BRINP3: variants seen among roughly 807,000 people sequenced by gnomAD.
The protein encoded by BRINP3 is BMP/retinoic acid-inducible neural-specific protein 3.
In BRINP3, 19 loss-of-function variants were observed where a neutral mutation model predicts 71.0. That is an observed-to-expected ratio of 0.27 (90% CI 0.19 to 0.39). The LOEUF (loss-of-function observed/expected upper bound fraction) is 0.39. Ranked by LOEUF, BRINP3 falls within the 10% of genes least tolerant of loss-of-function variation. BRINP3 has a pLI of 1.00. For missense variants in BRINP3, 959 were observed against 940.8 expected (o/e 1.02, Z -0.25); for synonymous variants, 380 against 337.7 (o/e 1.13, Z -1.37).
intron 6 of BRINP3, among the ~76,000 whole-genome samples, chr1:190,200,863 T>C (rs1337559017): frequency 6.6e-6 from 1 of 152,142 alleles, no homozygotes; most frequent in African/African-American, 2.4e-5. Context: ...TTGTGAGGCC[T>C]CCCAACCCAG....
chr1:190,432,986 G>T (rs1674200577), intron 2 of BRINP3, among the ~76,000 whole-genome samples: 1 of 152,082 alleles, frequency 6.6e-6, no homozygotes, highest in African/African-American at 2.4e-5. Flanking sequence ...CAATTATAGT[G>T]TTAAATTTAT....
chr1:190,450,433 A>G (rs548829421), intron 2 of BRINP3, among the ~76,000 whole-genome samples: 3 of 152,168 alleles, frequency 2.0e-5, no homozygotes, highest in African/African-American at 7.2e-5. Flanking sequence ...ATGAGTTTTC[A>G]TTTTCCCTCC....
chr1:190,420,601 T>C (rs913695042), intron 2 of BRINP3, among the ~76,000 whole-genome samples: 6 of 151,980 alleles, frequency 3.9e-5, no homozygotes, highest in African/African-American at 1.4e-4. Flanking sequence ...ATAACTTTAG[T>C]AAAGTGTTAA....
intron 7 of BRINP3, among the ~76,000 whole-genome samples, chr1:190,152,550 A>G (rs1397079169): frequency 5.1e-5 from 1 of 19,504 alleles, no homozygotes; most frequent in Non-Finnish European, 1.1e-4. Context: ...CCGCCCCCCA[A>G]AAAAGCAAAG....
intron 4 of BRINP3, among the ~76,000 whole-genome samples, chr1:190,244,705 C>T (rs536153021): frequency 1.2e-4 from 18 of 152,110 alleles, no homozygotes; most frequent in African/African-American, 4.1e-4. Flanking sequence ...CAGGGAACCT[C>T]GTTAGATACA....
At chr1:190,334,243 T>C (rs1273023121) in intron 2 of BRINP3, among the ~76,000 whole-genome samples, 1 of 151,862 alleles carries the variant, frequency 6.6e-6, no homozygotes, top group African/African-American at 2.4e-5. Flanking sequence ...TCAAGTTTTC[T>C]TGTTTTTGAA....
intron 2 of BRINP3, among the ~76,000 whole-genome samples, chr1:190,417,127 A>G (rs1230139564): frequency 6.6e-6 from 1 of 152,200 alleles, no homozygotes; most frequent in Admixed American, 6.6e-5. Context: ...GAACAAAAAC[A>G]ATTTTCTGAA....
At chr1:190,446,706 G>T (rs909388747) in intron 2 of BRINP3, among the ~76,000 whole-genome samples, 4 of 152,000 alleles carry the variant, frequency 2.6e-5, no homozygotes, top group African/African-American at 9.7e-5. Context: ...CAGACATCTA[G>T]TTCAGCCTTA....
chr1:190,185,268 C>T (rs1653410456), intron 6 of BRINP3, among the ~76,000 whole-genome samples: 3 of 151,910 alleles, frequency 2.0e-5, no homozygotes, highest in Non-Finnish European at 4.4e-5. Flanking sequence ...TAGTCAAAAA[C>T]CAATAATCTA....
chr1:190,237,383 TTAAAATAATAA>T (rs1658624091), intron 4 of BRINP3, among the ~76,000 whole-genome samples: 2 of 151,378 alleles, frequency 1.3e-5, no homozygotes, highest in African/African-American at 4.8e-5. Flanking sequence ...ATTTAATTCT[TTAAAATAATAA>T]TAAAATAAAT....
Position 190,207,647 on chromosome 1 carries a change from A to G in BRINP3, c.961+18435T>C, listed in dbSNP as rs1655626920. Reference sequence around the variant, plus strand: ...GAGAAGGTCGAAAGGACATTGTTCAAACAAAAAGAAATATATATTTTACAA... The same window carrying G: ...GAGAAGGTCGAAAGGACATTGTTCAGACAAAAAGAAATATATATTTTACAA... On this transcript the variant is annotated intron_variant, in intron 6 of 7. Coordinates refer to ENST00000367462, the MANE Select transcript of BRINP3 (RefSeq NM_199051.3). Among the ~76,000 whole-genome samples the G allele has an allele frequency of 2.0e-5, 3 of 152,146 alleles. No individual in the cohort carries two copies. In the South Asian group the frequency reaches 6.2e-4, roughly 31 times the overall value.
chr1:190,447,592 T>C (rs1306226595), intron 2 of BRINP3, among the ~76,000 whole-genome samples: 1 of 147,192 alleles, frequency 6.8e-6, no homozygotes, highest in African/African-American at 2.5e-5. Flanking sequence ...CAGTCTCTCT[T>C]TCTCCCTATA....
At chr1:190,201,231 T>C (rs1654977556) in intron 6 of BRINP3, among the ~76,000 whole-genome samples, 1 of 152,134 alleles carries the variant, frequency 6.6e-6, no homozygotes, top group South Asian at 2.1e-4. Context: ...GCAGGTTTTG[T>C]TATGTTTTAG....
At chr1:190,311,126 T>C (rs1275685723) in intron 2 of BRINP3, among the ~76,000 whole-genome samples, 1 of 151,708 alleles carries the variant, frequency 6.6e-6, no homozygotes, top group Non-Finnish European at 1.5e-5. Flanking sequence ...CTAGCAAGAG[T>C]GCCAATGAAC....
intron 2 of BRINP3, among the ~76,000 whole-genome samples, chr1:190,408,841 T>C (rs749522000): frequency 6.6e-5 from 10 of 152,182 alleles, no homozygotes; most frequent in African/African-American, 2.2e-4. Flanking sequence ...TTAGTTGGAA[T>C]GGTACAATAT....
At chr1:190,421,827 C>G (rs1479460024) in intron 2 of BRINP3, among the ~76,000 whole-genome samples, 1 of 151,804 alleles carries the variant, frequency 6.6e-6, no homozygotes, top group African/African-American at 2.4e-5. Context: ...AAATGTTTAA[C>G]ATAATGTTAA....
chr1:190,100,545 G>C (rs926651089), intron 7 of BRINP3, among the ~76,000 whole-genome samples: 4 of 152,020 alleles, frequency 2.6e-5, no homozygotes, highest in Non-Finnish European at 2.9e-5. Context: ...TCTTAAGAAG[G>C]GTATTTTTAA....
intron 3 of BRINP3, among the ~76,000 whole-genome samples, chr1:190,269,423 A>T (rs1661921324): frequency 1.3e-5 from 2 of 152,142 alleles, no homozygotes; most frequent in African/African-American, 4.8e-5. Context: ...ATGAATTAGA[A>T]CAAGTAAAAC....
intron 2 of BRINP3, among the ~76,000 whole-genome samples, chr1:190,377,552 T>C (rs865910577): frequency 4.7e-5 from 7 of 148,568 alleles, no homozygotes; most frequent in African/African-American, 1.7e-4. Flanking sequence ...GGAAATAATA[T>C]ATATATATAT....
Sources: allele counts gnomAD v4.1 joint callset (sites outside exome capture counted in the v4.1 genomes callset), GRCh38; gene constraint gnomAD v4.1.1; transcripts MANE v1.5; gene names NCBI Gene and HGNC (gene_info 2026-07-23, HGNC 2026-07-21).